The following ABCB1 variants were observed in gnomAD, a reference collection of about 807,000 sequenced individuals.
The protein encoded by ABCB1 is ATP binding cassette subfamily B member 1.
ABCB1 carries 69 observed loss-of-function variants against 142.0 expected under a neutral mutation model. That is an observed-to-expected ratio of 0.49 (90% CI 0.40 to 0.59). ABCB1 has a LOEUF of 0.59. ABCB1 is among the 20% of genes least tolerant of loss of function. The pLI, the probability that ABCB1 is intolerant of heterozygous loss-of-function variation, is 0.00. For missense variants in ABCB1, 1,326 were observed against 1,554.7 expected, an observed-to-expected ratio of 0.85 and a Z score of 2.47; for synonymous variants, 532 against 539.2, an observed-to-expected ratio of 0.99 and a Z score of 0.18.
At chr7:87,546,864 A>G (rs954017826) in intron 14 of ABCB1, among the ~76,000 whole-genome samples, 2 of 152,208 alleles carry the variant, frequency 1.3e-5, no homozygotes, top group Admixed American at 6.5e-5. Flanking sequence ...GTGAGACTCA[A>G]TTTATTCATA....
chr7:87,523,214 G>A (rs111419501), intron 21 of ABCB1, among the ~76,000 whole-genome samples: 2,314 of 152,214 alleles, frequency 0.015, 66 homozygotes, highest in African/African-American at 0.052. Context: ...ACCTGGGTAA[G>A]CAATCCTCCT....
intron 8 of ABCB1, among the ~76,000 whole-genome samples, chr7:87,555,717 T>C (rs1817278417): frequency 6.6e-6 from 1 of 152,152 alleles, no homozygotes; most frequent in Non-Finnish European, 1.5e-5. Flanking sequence ...CAATTATTTA[T>C]ATACACATAT....
chr7:87,698,574 AT>A lies in ABCB1; in HGVS notation c.-331+14586del, dbSNP rs28381730. On this transcript the variant is annotated intron_variant, in intron 1 of 28. Coordinates refer to the ABCB1 transcript ENST00000265724. ...ACTATTGCTATAAAAAGATAATTGG[AT>A]TTTTTTAAATTTAAGTTTTTGTGTT... 2.5e-3 allele frequency among the ~76,000 whole-genome samples: 377 copies of A among 152,252 alleles called. 12 individuals are homozygous for A. The highest frequency in any genetic ancestry group is 0.022 in the Admixed American group (331 of 15,294).
intron 1 of ABCB1, among the ~76,000 whole-genome samples, chr7:87,694,923 C>G (rs928410307): frequency 6.6e-6 from 1 of 152,106 alleles, no homozygotes; most frequent in South Asian, 2.1e-4. Context: ...TAGACACATA[C>G]TTTAGATATT....
intron 24 of ABCB1, among the ~76,000 whole-genome samples, chr7:87,516,160 C>A (rs573532432): frequency 1.3e-5 from 2 of 152,088 alleles, no homozygotes; most frequent in South Asian, 2.1e-4. Context: ...GCAGGAGGAT[C>A]GCTTGAGCCC....
intron 1 of ABCB1, among the ~76,000 whole-genome samples, chr7:87,692,681 T>C (rs918452576): frequency 9.2e-5 from 14 of 152,196 alleles, no homozygotes; most frequent in African/African-American, 3.4e-4. Context: ...TATAGAGAAC[T>C]TTGTTTTAGG....
intron 4 of ABCB1, among the ~76,000 whole-genome samples, chr7:87,582,604 G>T (rs1416472225): frequency 6.6e-6 from 1 of 152,120 alleles, no homozygotes; most frequent in Admixed American, 6.5e-5. Context: ...TCTATAAAGG[G>T]CCAGATAGTA....
rs377352171 is a variant in ABCB1, at chr7:87,681,611, A to G, written c.-331+31550T>C. 1.1e-4 allele frequency among the ~76,000 whole-genome samples: 16 copies of G among 150,796 alleles called. 1 individual carries two copies. The highest frequency in any genetic ancestry group is 3.9e-4 in the African/African-American group (16 of 40,672). On this transcript the variant is annotated intron_variant, in intron 1 of 28. Coordinates refer to the ABCB1 transcript ENST00000265724. ...AATGCTAACAATCATCTGAGCCTTC[A>G]GCAAGTCATTACCTTTTTGCTGGTG...
intron 20 of ABCB1, among the ~76,000 whole-genome samples, chr7:87,534,967 T>C (rs1257523360): frequency 7.0e-6 from 1 of 143,150 alleles, no homozygotes; most frequent in Non-Finnish European, 1.5e-5. Flanking sequence ...ACTGTGCAGG[T>C]AAAAGAATTT....
In ABCB1 at chr7:87,503,888, A is replaced by G. The variant is rs57126620; in HGVS notation, c.*355T>C. 89 of 305,286 alleles carry G rather than the reference A, an allele frequency of 2.9e-4. No individual in the cohort carries two copies. In the East Asian group the frequency reaches 7.2e-3, roughly 25 times the overall value. The allele number at this position is 305,286 out of a possible 1,614,324, so 18.9% of individuals were successfully genotyped here. On this transcript the variant is annotated 3_prime_UTR_variant, in exon 28 of 28. Coordinates refer to ENST00000622132, the MANE Select transcript of ABCB1 (RefSeq NM_001348946.2). ...TCACATGAAAGTTTAGTTTTATTAT[A>G]GACACTTTATGCAAACATTTCAATA...
intron 1 of ABCB1, among the ~76,000 whole-genome samples, chr7:87,621,136 G>T (rs1820208292): frequency 6.6e-6 from 1 of 152,044 alleles, no homozygotes; most frequent in South Asian, 2.1e-4. Flanking sequence ...GCTTTTCTTG[G>T]TGAGAGAGAT....
intron 26 of ABCB1, among the ~76,000 whole-genome samples, chr7:87,507,110 A>G (rs1814785760): frequency 6.6e-6 from 1 of 152,218 alleles, no homozygotes; most frequent in Non-Finnish European, 1.5e-5. Context: ...AAATCCTAGT[A>G]TTAATCACTT....
chr7:87,628,728 C>T (rs1366704842), intron 1 of ABCB1: 18 of 725,032 alleles, frequency 2.5e-5, no homozygotes, highest in Non-Finnish European at 3.3e-5. Context: ...CCTTCCCGCG[C>T]CCCCACGGTT....
chr7:87,548,708 G>C lies in ABCB1; in HGVS notation c.1725+640C>G, dbSNP rs184229101. Among the ~76,000 whole-genome samples the C allele has an allele frequency of 2.0e-5, 3 of 152,248 alleles. No individual in the cohort carries two copies. In the East Asian group the frequency reaches 5.8e-4, roughly 29 times the overall value. On this transcript the variant is annotated intron_variant, in intron 14 of 27. Transcript: ENST00000622132. ...AGAATTATCCCCGTTACTATCACGT[G>C]CTGGAGATCAAAGGCACAGTGCCCG... is the stretch of plus-strand genomic sequence containing the variant.
chr7:87,655,623 T>C (rs931734560), intron 1 of ABCB1, among the ~76,000 whole-genome samples: 3 of 152,060 alleles, frequency 2.0e-5, no homozygotes, highest in Non-Finnish European at 2.9e-5. Flanking sequence ...TAAAAGGAAA[T>C]AAGTTCAAGA....
chr7:87,506,696 G>A (rs1814767507), intron 26 of ABCB1, among the ~76,000 whole-genome samples: 1 of 152,184 alleles, frequency 6.6e-6, no homozygotes, highest in South Asian at 2.1e-4. Flanking sequence ...TGATGATAGG[G>A]ACAGCAGTTA....
intron 18 of ABCB1, among the ~76,000 whole-genome samples, chr7:87,539,614 C>A (rs1816443836): frequency 6.6e-6 from 1 of 152,186 alleles, no homozygotes; most frequent in South Asian, 2.1e-4. Context: ...GAATCTTAAT[C>A]CAGATGCATG....
chr7:87,699,694 C>T (rs190798229), intron 1 of ABCB1, among the ~76,000 whole-genome samples: 2 of 152,312 alleles, frequency 1.3e-5, no homozygotes, highest in East Asian at 3.9e-4. Flanking sequence ...GCATGAGCTA[C>T]CATGCCCAAC....
Position 87,600,331 on chromosome 7 carries a change from G to C in ABCB1, c.-6-141C>G, listed in dbSNP as rs1389562788. 1.2e-5 allele frequency: 9 copies of C among 725,076 alleles called. No homozygotes were observed. The African/African-American group carries it at 1.4e-4, about 11-fold the overall frequency. The allele number at this position is 725,076 out of a possible 1,614,324, so 44.9% of individuals were successfully genotyped here. The stretch of plus-strand genomic sequence containing the variant: ...TTGATGCCCCAGCTGCTCTGGCCGC[G>C]ATGGGCACTGCAGGGGCTTTCCTGT... On this transcript the variant is annotated intron_variant, in intron 1 of 27. Coordinates refer to ENST00000622132, the MANE Select transcript of ABCB1 (RefSeq NM_001348946.2).
Sources: gnomAD v4.1 joint callset for allele counts (sites outside exome capture counted in the v4.1 genomes callset) on GRCh38, gnomAD v4.1.1 for gene constraint, MANE v1.5 for transcripts, NCBI Gene and HGNC (gene_info 2026-07-23, HGNC 2026-07-21) for gene names.